PISD: variants seen among roughly 807,000 people sequenced by gnomAD.
PISD encodes phosphatidylserine decarboxylase, also known as phosphatidylserine decarboxylase proenzyme, mitochondrial.
In PISD, 31 loss-of-function variants were observed where a neutral mutation model predicts 43.5. That is an observed-to-expected ratio of 0.71 (90% CI 0.54 to 0.96). The LOEUF (loss-of-function observed/expected upper bound fraction) is 0.96. PISD is among the 40% of genes least tolerant of loss of function. PISD has a pLI of 0.00. For missense variants in PISD, 523 were observed against 548.4 expected, an observed-to-expected ratio of 0.95 and a Z score of 0.46; for synonymous variants, 259 against 228.7, an observed-to-expected ratio of 1.13 and a Z score of -1.20.
intron 3 of PISD, among the ~76,000 whole-genome samples, chr22:31,640,575 G>GTTTTTTTTTTT (rs759964791): frequency 4.4e-5 from 4 of 91,254 alleles, no homozygotes; most frequent in Admixed American, 1.8e-4. Context: ...CGGTTTGGTT[G>GTTTTTTTTTTT]TTTTTTTTTT....
At position 31,662,024 on chromosome 22, in the gene PISD, G is replaced by C. The variant is rs2062277605; in HGVS notation, c.65+120C>G. The C allele has an allele frequency of 8.2e-6, 7 of 855,338 alleles. No individual in the cohort carries two copies. The Admixed American group carries it at 1.3e-4, about 16-fold the overall frequency. 53.0% of individuals were successfully genotyped at this position (855,338 alleles called of 1,614,324 possible). A position where few individuals can be genotyped will look rare whatever the true frequency, so the allele number is the denominator to read the frequency against. On this transcript the variant is annotated intron_variant, in intron 1 of 7. Coordinates refer to ENST00000439502, the MANE Select transcript of PISD (RefSeq NM_001326411.2). Reference sequence around the variant, plus strand: ...TGCTCCTAAGCTCGAGGTGAAGGTGGCTCCGTCTCCACCCGAGCTCGCCTC... The same window carrying C: ...TGCTCCTAAGCTCGAGGTGAAGGTGCCTCCGTCTCCACCCGAGCTCGCCTC...
rs771117173 is a variant in PISD, at chr22:31,621,008, G to A, written c.832C>T (p.Arg278Cys). The change falls in exon 6 of 8, where the codon CGC becomes TGC. Residue 278 changes from arginine to cysteine, a missense_variant. Physicochemically the swap from Arg to Cys is radical, Grantham distance 180. Transcript: ENST00000439502. Reference protein sequence around the residue: ...SPTDWTVSHRRHFPGSLMSVN... With the variant: ...SPTDWTVSHRCHFPGSLMSVN... ...GCCCCGGGCTGACCTGGGAAGTGGC[G>A]CCGGTGGGACACAGTCCAGTCGGTG... 30 of 1,612,586 alleles carry A rather than the reference G, an allele frequency of 1.9e-5. No individual in the cohort carries two copies. The highest frequency in any genetic ancestry group is 2.3e-5 in the Non-Finnish European group (27 of 1,179,416).
chr22:31,626,034 G>A lies in PISD; in HGVS notation c.322-4149C>T, dbSNP rs185016077. 3.7e-4 allele frequency: 533 copies of A among 1,430,540 alleles called. 4 individuals carry two copies. Among genetic ancestry groups the A allele is most frequent in the Non-Finnish European group, 5.8e-5 (63 of 1,095,560 alleles). The allele number at this position is 1,430,540 out of a possible 1,614,324, so 88.6% of individuals were successfully genotyped here. ...GGTCAGGGCTATTGCAGACAGACAG[G>A]CACTGGTCACACACCTGCTCAGGTC... On this transcript the variant is annotated intron_variant, in intron 3 of 7. Coordinates refer to ENST00000439502, the MANE Select transcript of PISD (RefSeq NM_001326411.2).
Position 31,619,373 on chromosome 22 carries a change from A to C in PISD, c.*239T>G. 1 of 603,670 alleles carries C rather than the reference A, an allele frequency of 1.7e-6. No homozygotes were observed. Among genetic ancestry groups the C allele is most frequent in the Non-Finnish European group, 3.1e-6 (1 of 325,870 alleles). 37.4% of individuals were successfully genotyped at this position (603,670 alleles called of 1,614,324 possible). A position where few individuals can be genotyped will look rare whatever the true frequency, so the allele number is the denominator to read the frequency against. On this transcript the variant is annotated 3_prime_UTR_variant, in exon 8 of 8. Transcript: ENST00000439502. ...TGTGACTGAGATCATTCCAGCCTGC[A>C]CTTTTTATTTGTAGGCAGAAGGAAC...
chr22:31,643,965 T>C (rs2147770309), intron 3 of PISD, among the ~76,000 whole-genome samples: 1 of 152,056 alleles, frequency 6.6e-6, no homozygotes, highest in Middle Eastern at 3.4e-3. Flanking sequence ...GGAGAATGGC[T>C]TGAACCCAAG....
Position 31,624,811 on chromosome 22 carries a change from C to A in PISD, c.322-2926G>T, listed in dbSNP as rs1219944981. On this transcript the variant is annotated intron_variant, in intron 3 of 7. Transcript: ENST00000439502. ...GCCTCTCTGTGATCCGGCCTCTCCCCACCCTCCCAGCACAAATGCAGGGCA... is the reference window on the plus strand; with the variant it reads ...GCCTCTCTGTGATCCGGCCTCTCCCAACCCTCCCAGCACAAATGCAGGGCA... Among the ~76,000 whole-genome samples the A allele has an allele frequency of 2.0e-5, 3 of 151,998 alleles. No homozygotes were observed. In the East Asian group the frequency reaches 5.8e-4, roughly 29 times the overall value.
At chr22:31,637,918 A>C (rs2090086460) in intron 3 of PISD, among the ~76,000 whole-genome samples, 1 of 152,270 alleles carries the variant, frequency 6.6e-6, no homozygotes, top group Non-Finnish European at 1.5e-5. Flanking sequence ...CTAAACATTT[A>C]GACTGAGTGG....
At position 31,630,687 on chromosome 22, in the gene PISD, G is replaced by A; in HGVS notation, c.322-8802C>T. The A allele has an allele frequency of 1.0e-6, 1 of 974,218 alleles. No individual in the cohort carries two copies. The highest frequency in any genetic ancestry group is 1.2e-6 in the Non-Finnish European group (1 of 819,666). 60.3% of individuals were successfully genotyped at this position (974,218 alleles called of 1,614,324 possible). A position where few individuals can be genotyped will look rare whatever the true frequency, so the allele number is the denominator to read the frequency against. On this transcript the variant is annotated intron_variant, in intron 3 of 7. Transcript: ENST00000439502. This position sits in a 1 kb window ranked among gnomAD's most constrained non-coding sequence, Gnocchi z 4.4. ...TGGGAGAGCCCACCTGCGACCGAAG[G>A]CCCTAGAAGGGCACCCCCACCCGGC...
intron 3 of PISD, among the ~76,000 whole-genome samples, chr22:31,637,631 C>T (rs996924187): frequency 6.6e-6 from 1 of 152,130 alleles, no homozygotes; most frequent in Non-Finnish European, 1.5e-5. Flanking sequence ...GACCTGAGAA[C>T]TCCTTCGTCC....
intron 3 of PISD, among the ~76,000 whole-genome samples, chr22:31,631,792 GGAGCAACT>G (rs2073215500): frequency 6.6e-6 from 1 of 152,220 alleles, no homozygotes; most frequent in South Asian, 2.1e-4. Context: ...CACATCTGTG[GGAGCAACT>G]GAGCACGCCC....
At chr22:31,644,204 AT>A (rs1479356573) in intron 3 of PISD, among the ~76,000 whole-genome samples, 2 of 151,228 alleles carry the variant, frequency 1.3e-5, no homozygotes, top group Non-Finnish European at 2.9e-5. Flanking sequence ...AACTTTGTAG[AT>A]TTCTAGGAGT....
chr22:31,660,821 C>T (rs1022362389), intron 1 of PISD, among the ~76,000 whole-genome samples: 1 of 152,116 alleles, frequency 6.6e-6, no homozygotes, highest in African/African-American at 2.4e-5. Context: ...GCAACCTCCG[C>T]CTCCCAGGTT....
intron 3 of PISD, among the ~76,000 whole-genome samples, chr22:31,635,667 T>G (rs2073408642): frequency 6.6e-6 from 1 of 152,080 alleles, no homozygotes; most frequent in Admixed American, 6.5e-5. Flanking sequence ...CCATTGGAGG[T>G]AGCTCCCAGG....
chr22:31,625,425 G>A (rs1163279623), intron 3 of PISD, among the ~76,000 whole-genome samples: 1 of 152,234 alleles, frequency 6.6e-6, no homozygotes, highest in Non-Finnish European at 1.5e-5. Context: ...GGGGAATGGG[G>A]AAGCCTCTCT....
At chr22:31,629,015 A>C (rs1168007416) in intron 3 of PISD, 1 of 985,356 alleles carries the variant, frequency 1.0e-6, no homozygotes, top group Non-Finnish European at 1.2e-6. Context: ...ATAGGACCGT[A>C]TAGGGGGTAG....
chr22:31,625,494 G>A, intron 3 of PISD: 1 of 578,966 alleles, frequency 1.7e-6, no homozygotes, highest in South Asian at 2.0e-5. Flanking sequence ...GGGAGCACCA[G>A]GGTAGGGAAG....
chr22:31,633,240 T>G (rs1220687969), intron 3 of PISD, among the ~76,000 whole-genome samples: 1 of 152,116 alleles, frequency 6.6e-6, no homozygotes, highest in Non-Finnish European at 1.5e-5. Context: ...AAGCCCCAGT[T>G]AGACCAGGGG....
At chr22:31,625,983 G>A (rs989226371) in intron 3 of PISD, 50 of 1,465,922 alleles carry the variant, frequency 3.4e-5, no homozygotes, top group Admixed American at 4.8e-5. Context: ...GTTCAGTCTC[G>A]GTGGCTCACA....
intron 3 of PISD, among the ~76,000 whole-genome samples, chr22:31,640,048 G>T (rs1378986355): frequency 1.3e-5 from 2 of 152,096 alleles, no homozygotes; most frequent in African/African-American, 2.4e-5. Flanking sequence ...TTGAATCAGG[G>T]ACTCAAGGGA....
Sources: allele counts gnomAD v4.1 joint callset (sites outside exome capture counted in the v4.1 genomes callset), GRCh38; gene constraint gnomAD v4.1.1; non-coding constraint Gnocchi (gnomAD v3.1); transcripts MANE v1.5; gene names NCBI Gene and HGNC (gene_info 2026-07-23, HGNC 2026-07-21).